TJP2: variants seen among roughly 807,000 people sequenced by gnomAD.
TJP2 encodes tight junction protein 2, also known as Friedreich ataxia region gene X104 (tight junction protein ZO-2).
Under a neutral mutation model 133.1 loss-of-function variants are expected in TJP2, and 91 were observed. The observed-to-expected ratio is 0.68, with a 90% CI of 0.58 to 0.81. TJP2 has a LOEUF of 0.81. Among genes scored for constraint, TJP2 ranks in the 40% least tolerant of loss-of-function variants. The pLI is 0.00. For synonymous variants in TJP2, 592 were observed against 583.4 expected (o/e 1.01, Z -0.21); for missense variants, 1,541 against 1,565.6 (o/e 0.98, Z 0.26).
chr9:69,236,828 T>A, intron 13 of TJP2, 121 bp from the exon 14 acceptor site: 1 of 1,211,736 alleles, frequency 8.3e-7, no homozygotes. Flanking sequence ...CTGAAACTTC[T>A]TCATTGTCAA....
chr9:69,162,130 A>G (rs988779357), intron 2 of TJP2, among the ~76,000 whole-genome samples: 12 of 148,060 alleles, frequency 8.1e-5, no homozygotes, highest in African/African-American at 2.4e-4. Flanking sequence ...ATTTTTATAT[A>G]TTATATATGA....
At chr9:69,181,771 C>T (rs529504996) in intron 1 of TJP2, among the ~76,000 whole-genome samples, 2 of 151,882 alleles carry the variant, frequency 1.3e-5, no homozygotes, top group East Asian at 1.9e-4. Flanking sequence ...AGTGGATTAT[C>T]TCTGAAAAGC....
intron 14 of TJP2, 38 bp from the exon 15 acceptor site, chr9:69,237,840 A>G: frequency 7.1e-7 from 1 of 1,401,586 alleles, no homozygotes; most frequent in African/African-American, 1.4e-5. Flanking sequence ...ACAGCTAGGC[A>G]AGTGTGTATG....
intron 1 of TJP2, among the ~76,000 whole-genome samples, chr9:69,187,716 A>G (rs1825948342): frequency 1.3e-5 from 2 of 152,194 alleles, no homozygotes; most frequent in African/African-American, 4.8e-5. Flanking sequence ...ATGGGTGGTC[A>G]GTTTTAACAT....
intron 1 of TJP2, chr9:69,204,901 T>C (rs1827275748): frequency 6.4e-6 from 8 of 1,251,186 alleles, no homozygotes; most frequent in Non-Finnish European, 8.0e-6. Flanking sequence ...TCTAGTTCCC[T>C]GGCAAGGGAG....
At chr9:69,151,670 C>T (rs1823485564) in exon 2 of TJP2, 1 of 1,232,100 alleles carries the variant, frequency 8.1e-7, no homozygotes, top group East Asian at 3.2e-5. Flanking sequence ...TACCACATTA[C>T]TGTCATCTCC....
At chr9:69,233,199 T>G (rs184523482) in intron 11 of TJP2, among the ~76,000 whole-genome samples, 2,121 of 152,354 alleles carry the variant, frequency 0.014, 36 homozygotes, top group Non-Finnish European at 0.018. Flanking sequence ...CACATCACTT[T>G]ATTTTAAAAG....
chr9:69,249,515 G>A, intron 20 of TJP2, 30 bp downstream of exon 20: 1 of 1,576,750 alleles, frequency 6.3e-7, no homozygotes, highest in South Asian at 1.2e-5. Context: ...AGGATGGGAA[G>A]GAAGAGGAAG....
chr9:69,193,150 A>G (rs552030056), intron 1 of TJP2, among the ~76,000 whole-genome samples: 1 of 152,260 alleles, frequency 6.6e-6, no homozygotes, highest in African/African-American at 2.4e-5. Context: ...TCTTGAGCTC[A>G]GACGATTCAC....
At chr9:69,162,790 G>A (rs1316847480) in intron 2 of TJP2, among the ~76,000 whole-genome samples, 1 of 152,198 alleles carries the variant, frequency 6.6e-6, no homozygotes, top group African/African-American at 2.4e-5. Flanking sequence ...GTGCTCAGTA[G>A]TTGGCTCTGG....
chr9:69,123,161 T>C (rs1432984308), intron 1 of TJP2, among the ~76,000 whole-genome samples: 1 of 152,236 alleles, frequency 6.6e-6, no homozygotes, highest in African/African-American at 2.4e-5. Flanking sequence ...GTGCTTTACA[T>C]TTCCATCCGG....
At chr9:69,210,296 CCCCAA>C (rs1199509108) in intron 1 of TJP2, among the ~76,000 whole-genome samples, 15 of 52,806 alleles carry the variant, frequency 2.8e-4, no homozygotes, top group African/African-American at 5.7e-4. Flanking sequence ...CCCCCCCCCC[CCCCAA>C]AAAAAAAAAA....
intron 19 of TJP2, chr9:69,248,664 C>T (rs1831105423): frequency 9.6e-7 from 1 of 1,043,876 alleles, no homozygotes; most frequent in Middle Eastern, 4.5e-4. Context: ...GTTTCCCCAT[C>T]AGTTTCCTTC....
chr9:69,155,160 A>G (rs998277048), intron 2 of TJP2, among the ~76,000 whole-genome samples: 15 of 144,198 alleles, frequency 1.0e-4, no homozygotes, highest in Non-Finnish European at 2.0e-4. Flanking sequence ...CAGAGATTGC[A>G]GTGAGCCGAG....
upstream of TJP2, among the ~76,000 whole-genome samples, chr9:69,170,061 C>A (rs956796221): frequency 1.3e-5 from 2 of 151,962 alleles, no homozygotes; most frequent in African/African-American, 4.8e-5. Flanking sequence ...GTTGTCCAGG[C>A]TGGACTCAAA....
rs1332806350 is a variant in TJP2 at position 69,197,226 on chromosome 9, A to T, written c.61-15322A>T. On this transcript the variant is annotated intron_variant, in intron 1 of 22. Coordinates refer to ENST00000377245, the MANE Select transcript of TJP2 (RefSeq NM_004817.4). ...CCTGCCTCGACCTCCCACAGTGCTGAGATTACAGGCGTGAGCCATCGTGCT... is the reference window on the plus strand; with the variant it reads ...CCTGCCTCGACCTCCCACAGTGCTGTGATTACAGGCGTGAGCCATCGTGCT... 2.0e-5 allele frequency among the ~76,000 whole-genome samples: 3 copies of T among 152,198 alleles called. No individual in the cohort carries two copies. In the East Asian group the frequency reaches 5.8e-4, roughly 29 times the overall value.
In TJP2 at chr9:69,215,391, T is replaced by TG. The variant is rs34786574; in HGVS notation, c.115-948_115-947insG. 4.9e-3 allele frequency among the ~76,000 whole-genome samples: 197 copies of TG among 40,038 alleles called. 1 individual carries two copies. Among genetic ancestry groups the TG allele is most frequent in the Admixed American group, 0.013 (30 of 2,304 alleles). The allele number at this position is 40,038 out of a possible 152,430, so 26.3% of individuals were successfully genotyped here. ...TTCCCGCCCAGCTAGAAAGTTGTGG[T>TG]TTTTTTTTTTTGTTTTTTAGAGACT... On this transcript the variant is annotated intron_variant, in intron 2 of 22. Coordinates refer to ENST00000377245, the MANE Select transcript of TJP2 (RefSeq NM_004817.4).
At chr9:69,248,415 G>C in intron 19 of TJP2, 191 bp downstream of exon 19, 1 of 1,433,102 alleles carries the variant, frequency 7.0e-7, no homozygotes, top group Non-Finnish European at 9.2e-7. Context: ...GCAGGCAGGT[G>C]GACTTCAGAA....
intron 1 of TJP2, among the ~76,000 whole-genome samples, chr9:69,148,880 G>A (rs1823340071): frequency 6.6e-6 from 1 of 152,118 alleles, no homozygotes; most frequent in East Asian, 1.9e-4. Flanking sequence ...ATATTTTCCA[G>A]TGCTAACTCG....
Sources: gnomAD v4.1 joint callset for allele counts (sites outside exome capture counted in the v4.1 genomes callset) on GRCh38, gnomAD v4.1.1 for gene constraint, MANE v1.5 for transcripts, NCBI Gene and HGNC (gene_info 2026-07-23, HGNC 2026-07-21) for gene names.